Variants in ZNF444 observed in about 807,000 individuals in gnomAD.
ZNF444 encodes endothelial zinc finger protein 2.
Under a neutral mutation model 14.4 loss-of-function variants are expected in ZNF444, and 8 were observed. That is an observed-to-expected ratio of 0.56 (90% CI 0.33 to 1.00). The LOEUF is 1.00. Ranked by LOEUF, ZNF444 falls within the 50% of genes least tolerant of loss-of-function variation. ZNF444 has a pLI of 0.03. For missense variants in ZNF444, 510 were observed against 504.8 expected (o/e 1.01, Z -0.10); for synonymous variants, 258 against 235.9 (o/e 1.09, Z -0.86).
At chr19:56,135,309 G>A (rs2030586370) in intron 1 of ZNF444, among the ~76,000 whole-genome samples, 1 of 152,196 alleles carries the variant, frequency 6.6e-6, no homozygotes, top group Admixed American at 6.5e-5. Context: ...CACACAGGTT[G>A]CATCCCATGA....
intron 3 of ZNF444, chr19:56,154,751 G>A (rs1599896293): frequency 6.6e-6 from 1 of 152,074 alleles, no homozygotes; most frequent in Non-Finnish European, 1.5e-5. Flanking sequence ...ACACGAGGAT[G>A]CTTCATCCTT....
intron 1 of ZNF444, among the ~76,000 whole-genome samples, chr19:56,141,992 T>TA (rs1199750589): frequency 6.6e-6 from 1 of 152,152 alleles, no homozygotes; most frequent in Non-Finnish European, 1.5e-5. Context: ...AAGGCATTAT[T>TA]ACCTTCGGTA....
intron 3 of ZNF444, chr19:56,156,514 TCAGA>T (rs1470069176): frequency 3.3e-5 from 5 of 152,274 alleles, no homozygotes; most frequent in African/African-American, 1.2e-4. Flanking sequence ...TGGCCCACAA[TCAGA>T]CAAATTAGGT....
Position 56,160,246 on chromosome 19 carries a change from G to A in ZNF444, c.*45G>A, listed in dbSNP as rs981895600. 23 of 1,380,302 alleles carry A rather than the reference G, an allele frequency of 1.7e-5. No homozygotes were observed. The African/African-American group carries it at 2.2e-4, about 13-fold the overall frequency. The allele number at this position is 1,380,302 out of a possible 1,614,324, so 85.5% of individuals were successfully genotyped here. On this transcript the variant is annotated 3_prime_UTR_variant, in exon 5 of 5. Coordinates refer to ENST00000337080, the MANE Select transcript of ZNF444 (RefSeq NM_018337.4). ...ATCTCCCGCCCTTGGTGCTGCCCCC[G>A]GGCGGTACCTGCTCTCTCCCAGCGC...
rs905570941 is a variant in ZNF444 at position 56,160,447 on chromosome 19, C to T, written c.*246C>T. On this transcript the variant is annotated 3_prime_UTR_variant, in exon 5 of 5. Coordinates refer to ENST00000337080, the MANE Select transcript of ZNF444 (RefSeq NM_018337.4). ...TTCTCCCTGATTTCTCGGCCTCTCTCTCTGTGTGAAGGGGCCTCTCCCTAA... is the reference window on the plus strand; with the variant it reads ...TTCTCCCTGATTTCTCGGCCTCTCTTTCTGTGTGAAGGGGCCTCTCCCTAA... 8.5e-6 allele frequency: 4 copies of T among 471,276 alleles called. No homozygotes were observed. The highest frequency in any genetic ancestry group is 1.1e-5 in the Non-Finnish European group (3 of 269,296). The allele number at this position is 471,276 out of a possible 1,614,324, so 29.2% of individuals were successfully genotyped here. A position where few individuals can be genotyped will look rare whatever the true frequency, so the allele number is the denominator to read the frequency against.
At chr19:56,150,156 T>G (rs982329954) in intron 3 of ZNF444, 4 of 182,128 alleles carry the variant, frequency 2.2e-5, no homozygotes, top group African/African-American at 9.6e-5. Flanking sequence ...GGCACATGGG[T>G]GCTGTCTAGG....
In ZNF444 at chr19:56,159,649, G is replaced by T. The variant is rs1337865574; in HGVS notation, c.432G>T (p.Gly144=). The change falls in exon 5 of 5, where the codon GGG becomes GGT. Residue 144 remains glycine (G), a synonymous_variant. Coordinates refer to ENST00000337080, the MANE Select transcript of ZNF444 (RefSeq NM_018337.4). ...PLAGTAPGAE[G]PAPGDSQAVR... is the part of the protein sequence containing the mutation. ...CAGGCACCGCCCCTGGGGCTGAGGG[G>T]CCGGCGCCTGGGGACTCCCAGGCTG... 7 of 1,457,678 alleles carry T rather than the reference G, an allele frequency of 4.8e-6. No individual in the cohort carries two copies. The highest frequency in any genetic ancestry group is 4.5e-6 in the Non-Finnish European group (5 of 1,109,466). 90.3% of individuals were successfully genotyped at this position (1,457,678 alleles called of 1,614,324 possible). A position where few individuals can be genotyped will look rare whatever the true frequency, so the allele number is the denominator to read the frequency against.
chr19:56,154,444 GGTGCAT>G (rs2031777408), intron 3 of ZNF444: 1 of 152,272 alleles, frequency 6.6e-6, no homozygotes, highest in African/African-American at 2.4e-5. Context: ...TGGGATTACA[GGTGCAT>G]GTCACCATGC....
chr19:56,141,484 G>C (rs1182256651), intron 1 of ZNF444, 127 bp downstream of exon 1: 1 of 99,442 alleles, frequency 1.0e-5, no homozygotes, highest in Non-Finnish European at 2.1e-5. Flanking sequence ...GCGGGGAGGG[G>C]AGGAGAAGGG....
rs745426327 is a variant in ZNF444, at chr19:56,160,002, G to A, written c.785G>A (p.Arg262His). ...CCECGKTFYW[R>H]EHLVRHRKTH... The stretch of plus-strand genomic sequence containing the variant: ...GAGTGTGGCAAGACCTTCTACTGGC[G>A]CGAGCACCTGGTGCGCCACCGCAAG... Residue 262 changes from arginine to histidine, a missense_variant, in exon 5 of 5, where the codon CGC becomes CAC. Transcript: ENST00000337080. 4 of 1,512,300 alleles carry A rather than the reference G, an allele frequency of 2.6e-6. No individual in the cohort carries two copies. The South Asian group carries it at 3.6e-5, about 14-fold the overall frequency. The allele number at this position is 1,512,300 out of a possible 1,614,324, so 93.7% of individuals were successfully genotyped here. A position where few individuals can be genotyped will look rare whatever the true frequency, so the allele number is the denominator to read the frequency against.
intron 1 of ZNF444, chr19:56,142,203 C>T (rs191685228): frequency 9.8e-5 from 15 of 152,290 alleles, no homozygotes; most frequent in African/African-American, 3.6e-4. Context: ...ACAAAGTAAC[C>T]CTAAGTCTGA....
At position 56,147,012 on chromosome 19, in the gene ZNF444, C is replaced by T. The variant is rs1485498833; in HGVS notation, c.101C>T (p.Pro34Leu). The change falls in exon 3 of 5, where the codon CCG becomes CTG. Residue 34 changes from proline (P) to leucine (L), a missense_variant. Transcript: ENST00000337080. The surrounding 1 kb of genome is among the most constrained non-coding windows in gnomAD (Gnocchi z 5.9). ...RRFHLGDAPG[P>L]REALGLLRAL... ...TTCCACCTGGGCGACGCGCCGGGCC[C>T]GCGGGAGGCGCTGGGGCTGCTCCGC... 1 of 1,461,812 alleles carries T rather than the reference C, an allele frequency of 6.8e-7. No individual in the cohort carries two copies. Among genetic ancestry groups the T allele is most frequent in the Non-Finnish European group, 9.0e-7 (1 of 1,115,554 alleles). 90.6% of individuals were successfully genotyped at this position (1,461,812 alleles called of 1,614,324 possible).
At chr19:56,137,992 C>T (rs980623591), upstream of ZNF444, among the ~76,000 whole-genome samples, 6 of 151,930 alleles carry the variant, frequency 3.9e-5, no homozygotes, top group African/African-American at 9.7e-5. Context: ...GGTGTGGTGG[C>T]GGGCGCCTGT....
intron 1 of ZNF444, among the ~76,000 whole-genome samples, chr19:56,133,447 C>T (rs949562817): frequency 2.0e-5 from 3 of 152,078 alleles, no homozygotes; most frequent in Middle Eastern, 3.2e-3. Flanking sequence ...CCTTAAAACC[C>T]GGGTCTCTTG....
At position 56,147,829 on chromosome 19, in the gene ZNF444, G is replaced by C. The variant is rs1373997825; in HGVS notation, c.297+621G>C. Among the ~76,000 whole-genome samples the C allele has an allele frequency of 1.3e-5, 2 of 152,168 alleles. No individual in the cohort carries two copies. Among genetic ancestry groups the C allele is most frequent in the African/African-American group, 4.8e-5 (2 of 41,440 alleles). ...TGACTTCCCAGGGGCAGAGGGCAAA[G>C]CCAGGCCTCTCTGGGCAGGTTTGGT... On this transcript the variant is annotated intron_variant, in intron 3 of 4. Coordinates refer to ENST00000337080, the MANE Select transcript of ZNF444 (RefSeq NM_018337.4). The surrounding 1 kb of genome is among the most constrained non-coding windows in gnomAD (Gnocchi z 5.9).
At chr19:56,155,195 TG>T (rs2031830795) in intron 3 of ZNF444, 1 of 152,192 alleles carries the variant, frequency 6.6e-6, no homozygotes, top group African/African-American at 2.4e-5. Flanking sequence ...AGGGAAGAGA[TG>T]AGTGGAATGG....
chr19:56,141,072 T>C (rs996774202), upstream of ZNF444: 1 of 152,006 alleles, frequency 6.6e-6, no homozygotes, highest in African/African-American at 2.4e-5. Flanking sequence ...GTAGTTCCAG[T>C]GTTGGCGAAG....
intron 3 of ZNF444, among the ~76,000 whole-genome samples, chr19:56,153,709 G>A (rs1381069922): frequency 6.6e-6 from 1 of 152,182 alleles, no homozygotes; most frequent in Non-Finnish European, 1.5e-5. Flanking sequence ...GAAGTGCAGA[G>A]AAAAGCCAGT....
Position 56,147,225 on chromosome 19 carries a change from T to C in ZNF444, c.297+17T>C, listed in dbSNP as rs2031249971. On this transcript the variant is annotated intron_variant, in intron 3 of 4. Coordinates refer to ENST00000337080, the MANE Select transcript of ZNF444 (RefSeq NM_018337.4). This position sits in a 1 kb window ranked among gnomAD's most constrained non-coding sequence, Gnocchi z 5.9. ...GAGCTCTGGGTGAGCCTGGCGGGAC[T>C]GCAAGCGGGGAAGGGAGAGGGGAAG... 2 of 1,411,424 alleles carry C rather than the reference T, an allele frequency of 1.4e-6. No homozygotes were observed. The highest frequency in any genetic ancestry group is 5.8e-5 in the East Asian group (2 of 34,316). The allele number at this position is 1,411,424 out of a possible 1,614,324, so 87.4% of individuals were successfully genotyped here.
Sources: gnomAD v4.1 joint callset for allele counts (sites outside exome capture counted in the v4.1 genomes callset) on GRCh38, gnomAD v4.1.1 for gene constraint, Gnocchi (gnomAD v3.1) non-coding constraint, MANE v1.5 for transcripts, NCBI Gene and HGNC (gene_info 2026-07-23, HGNC 2026-07-21) for gene names.